Variants in SLC39A14 observed in about 807,000 individuals in gnomAD.
SLC39A14 encodes metal cation symporter ZIP14.
SLC39A14 carries 19 observed loss-of-function variants against 45.5 expected under a neutral mutation model. The observed-to-expected ratio is 0.42, with a 90% CI of 0.29 to 0.61. The LOEUF (loss-of-function observed/expected upper bound fraction) is 0.61. SLC39A14 is among the 20% of genes least tolerant of loss of function. The pLI, the probability that SLC39A14 is intolerant of heterozygous loss-of-function variation, is 0.22. For synonymous variants in SLC39A14, 264 were observed against 251.3 expected, an observed-to-expected ratio of 1.05 and a Z score of -0.48; for missense variants, 447 against 616.5, an observed-to-expected ratio of 0.73 and a Z score of 2.91.
intron 1 of SLC39A14, among the ~76,000 whole-genome samples, chr8:22,391,165 C>T (rs1586675403): frequency 6.6e-6 from 1 of 152,182 alleles, no homozygotes; most frequent in East Asian, 1.9e-4. Context: ...TACAAAACCC[C>T]TGTCTGCCAA....
In SLC39A14 at chr8:22,415,778, G is replaced by T. The variant is rs1835838241; in HGVS notation, c.760G>T (p.Gly254Ter). Reference sequence around the variant, plus strand: ...CCTGTCACCCTTCCAGCATCATCATGGACACAGCCATTATGCCTCTGAGTC... The same window carrying T: ...CCTGTCACCCTTCCAGCATCATCATTGACACAGCCATTATGCCTCTGAGTC... ...LLKQKNEHHH[G>*]HSHYASESLP... Residue 254 changes from glycine to a stop codon, truncating the protein, a stop_gained, in exon 6 of 9, where the codon GGA becomes TGA. Coordinates refer to ENST00000381237, the MANE Select transcript of SLC39A14 (RefSeq NM_001128431.4). LOFTEE classifies it high-confidence loss of function. 6.2e-7 allele frequency: 1 copy of T among 1,611,444 alleles called. No individual in the cohort carries two copies.
intron 1 of SLC39A14, among the ~76,000 whole-genome samples, chr8:22,374,347 A>G (rs1168515398): frequency 6.6e-6 from 1 of 152,136 alleles, no homozygotes; most frequent in African/African-American, 2.4e-5. Context: ...GGAGCTATGC[A>G]TGTGTGGAAA....
downstream of SLC39A14, among the ~76,000 whole-genome samples, chr8:22,424,307 A>C (rs1338023187): frequency 6.6e-6 from 1 of 152,142 alleles, no homozygotes; most frequent in Non-Finnish European, 1.5e-5. Context: ...TCCCATTCCA[A>C]TTTAGTTGTA....
chr8:22,428,489 C>T (rs1483301197), intron 8 of SLC39A14, among the ~76,000 whole-genome samples: 1 of 137,426 alleles, frequency 7.3e-6, no homozygotes, highest in Non-Finnish European at 1.5e-5. Context: ...ATTGCCCAGG[C>T]TGTAGTGCCG....
In SLC39A14 at chr8:22,419,928, T is replaced by C; in HGVS notation, c.*230T>C. 2 of 1,224,808 alleles carry C rather than the reference T, an allele frequency of 1.6e-6. No individual in the cohort carries two copies. The highest frequency in any genetic ancestry group is 2.0e-6 in the Non-Finnish European group (2 of 981,280). 75.9% of individuals were successfully genotyped at this position (1,224,808 alleles called of 1,614,324 possible). On this transcript the variant is annotated 3_prime_UTR_variant, in exon 9 of 9. Coordinates refer to ENST00000381237, the MANE Select transcript of SLC39A14 (RefSeq NM_001128431.4). The stretch of plus-strand genomic sequence containing the variant: ...TGCCTCTTGCCCTCTCCTCACCTCC[T>C]TTTCTCTCAGTGACTCTGGAACCTG...
intron 1 of SLC39A14, among the ~76,000 whole-genome samples, chr8:22,381,330 G>A (rs7006285): frequency 0.22 from 33,459 of 151,050 alleles, 4,501 homozygotes; most frequent in African/African-American, 0.39. Flanking sequence ...ACTGGAGTGC[G>A]GTGGGGCTAG....
At chr8:22,396,405 GA>G (rs1834397628) in intron 1 of SLC39A14, among the ~76,000 whole-genome samples, 1 of 7,002 alleles carries the variant, frequency 1.4e-4, no homozygotes, top group African/African-American at 2.0e-3. Flanking sequence ...GAGAGAGAGA[GA>G]GAGAGAGGGG....
At chr8:22,399,328 G>A (rs978232037) in intron 1 of SLC39A14, among the ~76,000 whole-genome samples, 2 of 152,116 alleles carry the variant, frequency 1.3e-5, no homozygotes, top group African/African-American at 2.4e-5. Flanking sequence ...CCTTTTCCCC[G>A]CTAAGAATAA....
At chr8:22,410,033 T>C in intron 3 of SLC39A14, 1 of 1,614,068 alleles carries the variant, frequency 6.2e-7, no homozygotes. Flanking sequence ...GAGAAAGCGT[T>C]TTTCAGCCGT....
At chr8:22,383,556 C>T (rs764347198) in intron 1 of SLC39A14, among the ~76,000 whole-genome samples, 2 of 152,154 alleles carry the variant, frequency 1.3e-5, no homozygotes, top group Non-Finnish European at 1.5e-5. Flanking sequence ...CAGAGGGCCC[C>T]GGCCAGGCCC....
At chr8:22,418,427 A>C (rs561669752) in intron 8 of SLC39A14, among the ~76,000 whole-genome samples, 1 of 152,356 alleles carries the variant, frequency 6.6e-6, no homozygotes, top group African/African-American at 2.4e-5. Flanking sequence ...AAGAGACAGA[A>C]GAAAGGAAAG....
chr8:22,419,583 A>T lies in SLC39A14; in HGVS notation c.1364A>T (p.Asp455Val). 6.2e-7 allele frequency: 1 copy of T among 1,613,998 alleles called. No individual in the cohort carries two copies. Among genetic ancestry groups the T allele is most frequent in the Non-Finnish European group, 8.5e-7 (1 of 1,179,958 alleles). ...FPEMNEVCQE[D>V]ERKGSILIPF... Reference sequence around the variant, plus strand: ...GAGATGAATGAGGTCTGTCAAGAGGATGAAAGGAAGGGCAGCATCTTGATT... The same window carrying T: ...GAGATGAATGAGGTCTGTCAAGAGGTTGAAAGGAAGGGCAGCATCTTGATT... Residue 455 changes from aspartate to valine, a missense_variant, in exon 9 of 9, where the codon GAT becomes GTT. Transcript: ENST00000381237.
In SLC39A14 at chr8:22,371,414, C is replaced by CTTTTTTTT. The variant is rs373230777; in HGVS notation, c.-16+4036_-16+4043dup. 1.4e-3 allele frequency among the ~76,000 whole-genome samples: 171 copies of CTTTTTTTT among 120,080 alleles called. 33 individuals carry two copies. The highest frequency in any genetic ancestry group is 2.6e-3 in the Non-Finnish European group (127 of 49,466). The allele number at this position is 120,080 out of a possible 152,430, so 78.8% of individuals were successfully genotyped here. A position where few individuals can be genotyped will look rare whatever the true frequency, so the allele number is the denominator to read the frequency against. On this transcript the variant is annotated intron_variant, in intron 1 of 8. Transcript: ENST00000381237. ...GGATATCTAAAAAAAAAATACATGTCTTTTTTTTTTTTTTTTTTTTTTTTT... is the reference window on the plus strand; with the variant it reads ...GGATATCTAAAAAAAAAATACATGTCTTTTTTTTTTTTTTTTTTTTTTTTTTTTTTTTT...
intron 2 of SLC39A14, among the ~76,000 whole-genome samples, chr8:22,407,518 G>A (rs1256298399): frequency 6.6e-6 from 1 of 151,462 alleles, no homozygotes; most frequent in African/African-American, 2.4e-5. Flanking sequence ...GAGCTACCAC[G>A]CCCGGCTAAT....
At position 22,397,414 on chromosome 8, in the gene SLC39A14, T is replaced by C. The variant is rs187987401; in HGVS notation, c.-15-7282T>C. 3.2e-4 allele frequency among the ~76,000 whole-genome samples: 49 copies of C among 152,154 alleles called. 1 individual carries two copies. The highest frequency in any genetic ancestry group is 2.9e-3 in the Admixed American group (45 of 15,274). On this transcript the variant is annotated intron_variant, in intron 1 of 8. Transcript: ENST00000381237. Reference sequence around the variant, plus strand: ...TAACACAGTGAAAGCCGGTCTCTACTAAAAATGCAAAAAATTAGCTGGGCG... The same window carrying C: ...TAACACAGTGAAAGCCGGTCTCTACCAAAAATGCAAAAAATTAGCTGGGCG...
At chr8:22,409,575 T>G (rs1835444673) in intron 3 of SLC39A14, among the ~76,000 whole-genome samples, 1 of 152,008 alleles carries the variant, frequency 6.6e-6, no homozygotes, top group Admixed American at 6.6e-5. Context: ...AGAGATGGGG[T>G]TTCACCATGT....
At position 22,414,807 on chromosome 8, in the gene SLC39A14, T is replaced by A; in HGVS notation, c.655T>A (p.Tyr219Asn). ...ATTTGGTTTCAACCCTCTGGAAGATTATTATGTCTCCAAGTCTGCAGTGGT... is the reference window on the plus strand; with the variant it reads ...ATTTGGTTTCAACCCTCTGGAAGATAATTATGTCTCCAAGTCTGCAGTGGT... ...EAFGFNPLED[Y>N]YVSKSAVVFG... Residue 219 changes from tyrosine (Y) to asparagine (N), a missense_variant, in exon 5 of 9, where the codon TAT becomes AAT. This residue lies in a region of SLC39A14 where 342 missense variants were observed against 428.1 expected (regional missense o/e 0.80). Transcript: ENST00000381237. 6.2e-7 allele frequency: 1 copy of A among 1,611,340 alleles called. No individual in the cohort carries two copies.
rs1314304112 is a variant in SLC39A14, at chr8:22,415,841, G to A, written c.823G>A (p.Glu275Lys). The change falls in exon 6 of 9, where the codon GAG becomes AAG. Residue 275 changes from glutamate (E) to lysine (K), a missense_variant. By Grantham distance (56) the Glu-to-Lys change is moderately conservative. Transcript: ENST00000381237. ...SKKDQEEGVMEKLQNGDLDHM... is the reference protein window; with the variant it reads ...SKKDQEEGVMKKLQNGDLDHM... Reference sequence around the variant, plus strand: ...GAAGGACCAGGAGGAGGGGGTGATGGAGAAGCTGCAGAACGGGGACCTGGA... The same window carrying A: ...GAAGGACCAGGAGGAGGGGGTGATGAAGAAGCTGCAGAACGGGGACCTGGA... 3.7e-6 allele frequency: 6 copies of A among 1,613,602 alleles called. No individual in the cohort carries two copies. The highest frequency in any genetic ancestry group is 4.2e-6 in the Non-Finnish European group (5 of 1,179,938).
intron 3 of SLC39A14, among the ~76,000 whole-genome samples, chr8:22,408,820 C>CTTTTTT (rs71544900): frequency 1.5e-5 from 2 of 130,552 alleles, no homozygotes; most frequent in Non-Finnish European, 1.6e-5. Context: ...CTTTTTTAAT[C>CTTTTTT]TTTTTTTTTT....
Sources: gnomAD v4.1 joint callset for allele counts (sites outside exome capture counted in the v4.1 genomes callset) on GRCh38, gnomAD v4.1.1 for gene constraint, gnomAD v4.1.1 regional missense constraint, MANE v1.5 for transcripts, NCBI Gene and HGNC (gene_info 2026-07-23, HGNC 2026-07-21) for gene names.